The following PAH variants were observed in gnomAD, a reference collection of about 807,000 sequenced individuals.
The protein encoded by PAH is phenylalanine hydroxylase.
PAH carries 64 observed loss-of-function variants against 62.0 expected under a neutral mutation model. The observed-to-expected ratio is 1.03, with a 90% CI of 0.84 to 1.27. The LOEUF is 1.27. PAH is among the 50% of genes most tolerant of loss of function. PAH has a pLI of 0.00. For missense variants in PAH, 579 were observed against 542.8 expected (o/e 1.07, Z -0.66); for synonymous variants, 195 against 196.2 (o/e 0.99, Z 0.05).
intron 8 of PAH, among the ~76,000 whole-genome samples, chr12:102,847,824 T>C (rs891070610): frequency 2.0e-5 from 3 of 152,168 alleles, no homozygotes; most frequent in African/African-American, 7.2e-5. Context: ...TTGGTTATAC[T>C]GACTTCTGAG....
intron 1 of PAH, among the ~76,000 whole-genome samples, chr12:102,938,556 G>T (rs2136758523): frequency 6.6e-6 from 1 of 152,208 alleles, no homozygotes; most frequent in South Asian, 2.1e-4. Flanking sequence ...ATATCTTCAG[G>T]CAAAGCCCAC....
At chr12:102,844,801 G>T (rs533145357) in intron 9 of PAH, among the ~76,000 whole-genome samples, 3 of 152,294 alleles carry the variant, frequency 2.0e-5, no homozygotes, top group Non-Finnish European at 2.9e-5. Context: ...CCACCCAGGG[G>T]TTCTCAGGCC....
intron 3 of PAH, among the ~76,000 whole-genome samples, chr12:102,883,003 A>G (rs906054054): frequency 3.9e-5 from 6 of 152,134 alleles, no homozygotes; most frequent in Admixed American, 3.9e-4. Context: ...GGGAGGAGGA[A>G]AGAACAGAGA....
At chr12:102,900,333 G>A (rs955555195) in intron 2 of PAH, among the ~76,000 whole-genome samples, 1 of 152,168 alleles carries the variant, frequency 6.6e-6, no homozygotes, top group Non-Finnish European at 1.5e-5. Context: ...ACAGGCGTGA[G>A]CCACTGTGCC....
chr12:102,848,675 C>T (rs1273198418), intron 8 of PAH, among the ~76,000 whole-genome samples: 3 of 135,228 alleles, frequency 2.2e-5, no homozygotes, highest in Admixed American at 7.4e-5. Context: ...AATGGAGAGG[C>T]TGAGTGTAGA....
At chr12:102,840,141 C>T (rs144689578) in intron 12 of PAH, among the ~76,000 whole-genome samples, 85 of 152,110 alleles carry the variant, frequency 5.6e-4, no homozygotes, top group African/African-American at 1.9e-3. Context: ...ATGGCAGTGA[C>T]AGACCAAGTG....
chr12:102,856,219 G>A (rs962465125), intron 5 of PAH, among the ~76,000 whole-genome samples: 23 of 152,076 alleles, frequency 1.5e-4, no homozygotes, highest in African/African-American at 5.1e-4. Flanking sequence ...ATGCCAGGCC[G>A]CATAGATCCT....
chr12:102,903,405 AC>A (rs1256613555), intron 2 of PAH, among the ~76,000 whole-genome samples: 2 of 116,056 alleles, frequency 1.7e-5, no homozygotes, highest in Non-Finnish European at 3.3e-5. Flanking sequence ...ACAAAAAAAA[AC>A]AACCTTATGT....
upstream of PAH, among the ~76,000 whole-genome samples, chr12:102,921,715 C>A (rs1592993141): frequency 6.6e-6 from 1 of 152,074 alleles, no homozygotes; most frequent in Non-Finnish European, 1.5e-5. Flanking sequence ...TTCTTAGAGG[C>A]TTTTCAACAT....
chr12:102,902,179 G>A (rs1393527048), intron 2 of PAH, among the ~76,000 whole-genome samples: 2 of 152,158 alleles, frequency 1.3e-5, no homozygotes, highest in Non-Finnish European at 2.9e-5. Flanking sequence ...CCAGTGCAAG[G>A]GTCCTGGAGT....
At chr12:102,879,124 G>A (rs760807098) in intron 3 of PAH, among the ~76,000 whole-genome samples, 24 of 151,968 alleles carry the variant, frequency 1.6e-4, no homozygotes, top group Admixed American at 9.2e-4. Context: ...TTCCTCCTCC[G>A]GGAGGAGGAG....
chr12:102,958,261 A>G, exon 1 of PAH: 1 of 1,474,564 alleles, frequency 6.8e-7, no homozygotes, highest in Non-Finnish European at 9.0e-7. Context: ...AGCTCTGCCA[A>G]GATGGAGAGC....
At chr12:102,928,249 A>C (rs1851380) in intron 1 of PAH, among the ~76,000 whole-genome samples, 9,398 of 152,282 alleles carry the variant, frequency 0.062, 343 homozygotes, top group Admixed American at 0.1. Flanking sequence ...TAATCACATC[A>C]GGGTAAATGG....
chr12:102,942,136 T>G (rs1341918621), intron 1 of PAH, among the ~76,000 whole-genome samples: 2 of 152,152 alleles, frequency 1.3e-5, no homozygotes, highest in African/African-American at 4.8e-5. Context: ...ACTATCTCTC[T>G]TCATAGATGT....
chr12:102,899,647 CA>C (rs1565868728), intron 2 of PAH, among the ~76,000 whole-genome samples: 1 of 151,262 alleles, frequency 6.6e-6, no homozygotes, highest in East Asian at 2.0e-4. Context: ...ATCACGAGGT[CA>C]GGAGATCGAG....
Position 102,855,267 on chromosome 12 carries a change from T to C in PAH, c.575A>G (p.Lys192Arg). 6.2e-7 allele frequency: 1 copy of C among 1,614,136 alleles called. No homozygotes were observed. The highest frequency in any genetic ancestry group is 8.5e-7 in the Non-Finnish European group (1 of 1,179,976). Residue 192 changes from lysine to arginine, a missense_variant, in exon 6 of 13, where the codon AAG becomes AGG. Lys to Arg is a conservative substitution (Grantham distance 26, BLOSUM62 2). Transcript: ENST00000553106. Reference protein sequence around the residue: ...EEKKTWGTVFKTLKSLYKTHA... With the variant: ...EEKKTWGTVFRTLKSLYKTHA... ...GGTTTTATACAAGGACTTCAGAGTC[T>C]TGAACACTGTGCCCCATGTTTTCTT...
intron 5 of PAH, among the ~76,000 whole-genome samples, chr12:102,865,854 C>T (rs1875933844): frequency 6.6e-6 from 1 of 152,200 alleles, no homozygotes; most frequent in Non-Finnish European, 1.5e-5. Context: ...TGTCAAAGTA[C>T]TATGCCATGA....
chr12:102,956,018 T>C (rs1016844085), intron 1 of PAH, among the ~76,000 whole-genome samples: 6 of 152,156 alleles, frequency 3.9e-5, no homozygotes, highest in Non-Finnish European at 7.4e-5. Flanking sequence ...ATCATCACTA[T>C]TGTTCCAGAA....
Position 102,957,935 on chromosome 12 carries a change from G to T in PAH, c.-96+260C>A, listed in dbSNP as rs1236448597. The T allele has an allele frequency of 8.8e-5, 25 of 283,888 alleles. No homozygotes were observed. The highest frequency in any genetic ancestry group is 5.8e-5 in the Non-Finnish European group (9 of 154,058). The allele number at this position is 283,888 out of a possible 1,614,324, so 17.6% of individuals were successfully genotyped here. A position where few individuals can be genotyped will look rare whatever the true frequency, so the allele number is the denominator to read the frequency against. ...TTTTTTTTCTTAGAAACAAGAAGGC[G>T]CCAGCGGCAGCCTCACACGCGAGCG... On this transcript the variant is annotated intron_variant, in intron 1 of 4. Transcript: ENST00000551337. The surrounding 1 kb of genome is among the most constrained non-coding windows in gnomAD (Gnocchi z 4.1).
Sources: allele counts gnomAD v4.1 joint callset (sites outside exome capture counted in the v4.1 genomes callset), GRCh38; gene constraint gnomAD v4.1.1; non-coding constraint Gnocchi (gnomAD v3.1); transcripts MANE v1.5; gene names NCBI Gene and HGNC (gene_info 2026-07-23, HGNC 2026-07-21).